Variants in CSMD2 observed in about 807,000 individuals in gnomAD.
CSMD2 encodes CUB and Sushi multiple domains 2.
CSMD2 carries 130 observed loss-of-function variants against 398.5 expected under a neutral mutation model. The observed-to-expected ratio is 0.33, with a 90% CI of 0.28 to 0.38. The LOEUF (loss-of-function observed/expected upper bound fraction) is 0.38. Ranked by LOEUF, CSMD2 falls within the 10% of genes least tolerant of loss-of-function variation. CSMD2 has a pLI of 1.00. For missense variants in CSMD2, 3,829 were observed against 4,764.9 expected (o/e 0.80, Z 5.78); for synonymous variants, 1,828 against 1,908.5 (o/e 0.96, Z 1.10).
intron 2 of CSMD2, among the ~76,000 whole-genome samples, chr1:34,083,201 G>A (rs7541408): frequency 0.018 from 2,763 of 152,248 alleles, 46 homozygotes; most frequent in East Asian, 0.053. Flanking sequence ...TGTGTGGTTA[G>A]ATCACACACA....
At position 34,163,713 on chromosome 1, in the gene CSMD2, T is replaced by C. The variant is rs1305142050; in HGVS notation, c.187+1198A>G. 2.6e-5 allele frequency among the ~76,000 whole-genome samples: 4 copies of C among 152,048 alleles called. No individual in the cohort carries two copies. Among genetic ancestry groups the C allele is most frequent in the Non-Finnish European group, 5.9e-5 (4 of 68,006 alleles). On this transcript the variant is annotated intron_variant, in intron 1 of 70. Transcript: ENST00000373381. The surrounding 1 kb of genome is among the most constrained non-coding windows in gnomAD (Gnocchi z 5.4). ...GGCTCCAGGTCGAAGGTGCCCTAGG[T>C]CTAGGCCTGGCCAGCAGGTGTTTCG...
At chr1:33,596,430 C>G (rs148874034) in intron 44 of CSMD2, among the ~76,000 whole-genome samples, 1 of 152,182 alleles carries the variant, frequency 6.6e-6, no homozygotes, top group African/African-American at 2.4e-5. Flanking sequence ...CACACTCCCT[C>G]TTGCCTGACA....
At chr1:33,944,472 G>A (rs1417781588) in intron 3 of CSMD2, among the ~76,000 whole-genome samples, 1 of 152,134 alleles carries the variant, frequency 6.6e-6, no homozygotes, top group African/African-American at 2.4e-5. Flanking sequence ...GCAGGGAAGG[G>A]CTTGTGTATT....
At chr1:33,854,216 A>C (rs1638911820) in intron 5 of CSMD2, among the ~76,000 whole-genome samples, 1 of 152,126 alleles carries the variant, frequency 6.6e-6, no homozygotes, top group African/African-American at 2.4e-5. Context: ...TCTCCACCAT[A>C]GTGCTTCTCT....
intron 46 of CSMD2, among the ~76,000 whole-genome samples, chr1:33,586,055 G>A (rs1242568797): frequency 6.6e-6 from 1 of 152,188 alleles, no homozygotes; most frequent in East Asian, 1.9e-4. Context: ...ATTCATTTCT[G>A]TCAAGGCATG....
At chr1:33,773,936 G>A (rs1413100647) in intron 12 of CSMD2, among the ~76,000 whole-genome samples, 1 of 152,096 alleles carries the variant, frequency 6.6e-6, no homozygotes, top group Admixed American at 6.6e-5. Flanking sequence ...ATCCTGACAG[G>A]GATGATTCTG....
At chr1:33,938,215 A>T (rs1395823409) in intron 3 of CSMD2, among the ~76,000 whole-genome samples, 2 of 152,230 alleles carry the variant, frequency 1.3e-5, no homozygotes, top group African/African-American at 4.8e-5. Context: ...TGCCCTGTCC[A>T]TTGGCCCAGC....
intron 70 of CSMD2, among the ~76,000 whole-genome samples, chr1:33,517,139 C>T (rs1453036050): frequency 1.3e-5 from 2 of 152,102 alleles, no homozygotes; most frequent in African/African-American, 4.8e-5. Flanking sequence ...AGCTTTTCTC[C>T]TTGGCATTAT....
intron 1 of CSMD2, among the ~76,000 whole-genome samples, chr1:34,090,673 C>A (rs937115494): frequency 1.3e-5 from 2 of 152,148 alleles, no homozygotes; most frequent in African/African-American, 2.4e-5. Flanking sequence ...TCTGTCCCCA[C>A]CCTACACCAA....
intron 52 of CSMD2, among the ~76,000 whole-genome samples, chr1:33,569,005 T>C (rs1659325753): frequency 6.6e-6 from 1 of 152,218 alleles, no homozygotes; most frequent in Non-Finnish European, 1.5e-5. Context: ...TAAAATTTGC[T>C]AATAGATAAT....
rs142231882 is a variant in CSMD2, at chr1:33,658,025, C to G, written c.4368G>C (p.Ala1456=). The stretch of plus-strand genomic sequence containing the variant: ...AGCTGATCTCTGCACTTCCCTGCAG[C>G]GCGTAGCCAGGGTCACACTGGAACA... The part of the protein sequence containing the change: ...STVFQCDPGY[A]LQGSAEISCV... The change falls in exon 27 of 71, where the codon GCG becomes GCC. Residue 1456 remains alanine (A), a synonymous_variant. Coordinates refer to ENST00000373381, the MANE Select transcript of CSMD2 (RefSeq NM_001281956.2). 3 of 1,614,066 alleles carry G rather than the reference C, an allele frequency of 1.9e-6. No homozygotes were observed. Among genetic ancestry groups the G allele is most frequent in the Non-Finnish European group, 2.5e-6 (3 of 1,180,034 alleles).
At chr1:33,968,232 AC>A (rs1645631350) in intron 3 of CSMD2, among the ~76,000 whole-genome samples, 1 of 152,092 alleles carries the variant, frequency 6.6e-6, no homozygotes, top group Non-Finnish European at 1.5e-5. Context: ...TTAACTTAGA[AC>A]TCACATGGGA....
chr1:33,525,950 C>A (rs1654736915), intron 65 of CSMD2, among the ~76,000 whole-genome samples: 1 of 152,136 alleles, frequency 6.6e-6, no homozygotes. Flanking sequence ...TCCCAAAGCG[C>A]TGGGATTACA....
chr1:33,566,516 G>A (rs569891006), intron 53 of CSMD2, among the ~76,000 whole-genome samples: 1 of 152,190 alleles, frequency 6.6e-6, no homozygotes, highest in South Asian at 2.1e-4. Flanking sequence ...AAAAGAAAAA[G>A]ATGGTTAAGT....
intron 15 of CSMD2, among the ~76,000 whole-genome samples, chr1:33,727,770 T>C (rs1482982343): frequency 6.6e-6 from 1 of 152,138 alleles, no homozygotes; most frequent in Admixed American, 6.5e-5. Flanking sequence ...GTGTGAGATA[T>C]AAGCTCCTGA....
At chr1:34,148,206 G>C (rs1022426455) in intron 1 of CSMD2, among the ~76,000 whole-genome samples, 1 of 152,140 alleles carries the variant, frequency 6.6e-6, no homozygotes, top group Non-Finnish European at 1.5e-5. Flanking sequence ...GGTGTTAATG[G>C]CTAACATTTC....
chr1:33,773,470 C>G (rs752864457), intron 12 of CSMD2, among the ~76,000 whole-genome samples: 2 of 152,192 alleles, frequency 1.3e-5, no homozygotes. Flanking sequence ...TTCCCTGAGA[C>G]AGCTCTGGGG....
chr1:33,549,961 G>C (rs1273785710), intron 56 of CSMD2, among the ~76,000 whole-genome samples: 1 of 152,160 alleles, frequency 6.6e-6, no homozygotes, highest in Non-Finnish European at 1.5e-5. Context: ...CATGGTCAGG[G>C]CTGACTGAGG....
chr1:33,910,496 T>G (rs1253734112), intron 5 of CSMD2, among the ~76,000 whole-genome samples: 3 of 152,228 alleles, frequency 2.0e-5, no homozygotes, highest in Non-Finnish European at 4.4e-5. Context: ...TCTTAGTTTT[T>G]GTCTTGCCAG....
Sources: allele counts gnomAD v4.1 joint callset (sites outside exome capture counted in the v4.1 genomes callset), GRCh38; gene constraint gnomAD v4.1.1; non-coding constraint Gnocchi (gnomAD v3.1); transcripts MANE v1.5; gene names NCBI Gene and HGNC (gene_info 2026-07-23, HGNC 2026-07-21).